Variants in TXLNB observed in about 807,000 individuals in gnomAD.
TXLNB encodes taxilin beta.
TXLNB carries 37 observed loss-of-function variants against 57.4 expected under a neutral mutation model. That is an observed-to-expected ratio of 0.64 (90% CI 0.50 to 0.85). The LOEUF (loss-of-function observed/expected upper bound fraction) is 0.85, where lower values mean the gene tolerates loss of function less well. Ranked by LOEUF, TXLNB falls within the 40% of genes least tolerant of loss-of-function variation. TXLNB has a pLI of 0.00. For synonymous variants in TXLNB, 302 were observed against 309.6 expected, an observed-to-expected ratio of 0.98 and a Z score of 0.26; for missense variants, 848 against 825.6, an observed-to-expected ratio of 1.03 and a Z score of -0.33.
the TXLNB span, chr6:139,177,085 A>G: frequency 4.7e-6 from 4 of 859,384 alleles, no homozygotes; most frequent in Non-Finnish European, 8.2e-6. The surrounding 1 kb of genome is among the most constrained non-coding windows in gnomAD (Gnocchi z 4.9). Flanking sequence ...TTCCTCCTTC[A>G]AAGTTCTCGA....
At chr6:139,316,819 C>A in the TXLNB span, among the ~76,000 whole-genome samples, 1 of 152,058 alleles carries the variant, frequency 6.6e-6, no homozygotes, top group East Asian at 1.9e-4. Context: ...TCCTTTCAAG[C>A]CATTTTTCAA....
At chr6:139,236,641 ATAAAT>A (rs1775839638), downstream of TXLNB, among the ~76,000 whole-genome samples, 4 of 152,196 alleles carry the variant, frequency 2.6e-5, no homozygotes, top group South Asian at 8.3e-4. Flanking sequence ...TCTTTCCTTT[ATAAAT>A]TACTCAGTCT....
chr6:139,179,817 G>A, the TXLNB span: 2 of 152,184 alleles, frequency 1.3e-5, no homozygotes, highest in African/African-American at 4.8e-5. Flanking sequence ...TTACCCAAGA[G>A]ATCCAATTTG....
the TXLNB span, among the ~76,000 whole-genome samples, chr6:139,226,948 G>GC: frequency 2.0e-5 from 3 of 152,140 alleles, no homozygotes; most frequent in Admixed American, 2.0e-4. Context: ...CATTCCTGGA[G>GC]CCCAGGAGGT....
the TXLNB span, among the ~76,000 whole-genome samples, chr6:139,301,598 G>A: frequency 6.6e-6 from 1 of 152,146 alleles, no homozygotes. Context: ...GGTTAGAAGA[G>A]CACACCTGAG....
chr6:139,272,164 G>T (rs1212382555), intron 3 of TXLNB, among the ~76,000 whole-genome samples: 1 of 152,056 alleles, frequency 6.6e-6, no homozygotes, highest in African/African-American at 2.4e-5. Context: ...TAAATTAGCC[G>T]GGCGTGGTGG....
At chr6:139,232,524 G>A in the TXLNB span, among the ~76,000 whole-genome samples, 1 of 152,180 alleles carries the variant, frequency 6.6e-6, no homozygotes, top group Non-Finnish European at 1.5e-5. Flanking sequence ...CTCTGACTTT[G>A]AAATTTTCTT....
intron 8 of TXLNB, among the ~76,000 whole-genome samples, chr6:139,246,733 G>A (rs1406939235): frequency 2.0e-5 from 3 of 151,814 alleles, no homozygotes; most frequent in Non-Finnish European, 2.9e-5. Flanking sequence ...TGACCAACAC[G>A]GTGAAACCCC....
At chr6:139,291,767 A>G (rs1408713203) in intron 1 of TXLNB, among the ~76,000 whole-genome samples, 154 bp downstream of exon 1, 1 of 152,212 alleles carries the variant, frequency 6.6e-6, no homozygotes, top group African/African-American at 2.4e-5. Context: ...TATCACAGAC[A>G]CATCCCTCCC....
At chr6:139,278,178 A>G (rs376601263) in intron 2 of TXLNB, among the ~76,000 whole-genome samples, 1 of 152,216 alleles carries the variant, frequency 6.6e-6, no homozygotes, top group Admixed American at 6.5e-5. Context: ...AAGGCCCAGA[A>G]AAGTCCAAAG....
chr6:139,270,722 T>C, intron 3 of TXLNB, 96 bp from the exon 4 acceptor site: 1 of 1,114,996 alleles, frequency 9.0e-7, no homozygotes, highest in Non-Finnish European at 1.3e-6. Context: ...CTGTGGTTGT[T>C]TGGAAACATT....
At chr6:139,268,798 A>G (rs1390715757) in intron 4 of TXLNB, among the ~76,000 whole-genome samples, 1 of 152,182 alleles carries the variant, frequency 6.6e-6, no homozygotes, top group Non-Finnish European at 1.5e-5. Flanking sequence ...CTGAGGGCAT[A>G]TGGGCACACT....
downstream of TXLNB, chr6:139,239,015 G>A (rs944658516): frequency 6.6e-6 from 1 of 152,152 alleles, no homozygotes; most frequent in Non-Finnish European, 1.5e-5. This position sits in a 1 kb window ranked among gnomAD's most constrained non-coding sequence, Gnocchi z 4.7. Flanking sequence ...TCTCAAAAAA[G>A]GGGCTATTTA....
intron 6 of TXLNB, among the ~76,000 whole-genome samples, chr6:139,260,089 G>A (rs185669766): frequency 1.1e-4 from 16 of 152,266 alleles, no homozygotes; most frequent in African/African-American, 3.4e-4. Flanking sequence ...GCCTGTTGTG[G>A]TAGTGGGCAC....
intron 7 of TXLNB, among the ~76,000 whole-genome samples, chr6:139,254,051 G>C (rs1227375300): frequency 6.6e-6 from 1 of 152,086 alleles, no homozygotes; most frequent in African/African-American, 2.4e-5. Context: ...ATGATCTTGA[G>C]TTTGTAACTC....
chr6:139,317,939 T>C, the TXLNB span, among the ~76,000 whole-genome samples: 2 of 151,938 alleles, frequency 1.3e-5, no homozygotes, highest in Non-Finnish European at 2.9e-5. Context: ...AGAAAAGATC[T>C]CATCAGATGA....
Position 139,256,615 on chromosome 6 carries a change from G to A in TXLNB, c.1003-977C>T, listed in dbSNP as rs373439226. On this transcript the variant is annotated intron_variant, in intron 6 of 9. Coordinates refer to ENST00000358430, the MANE Select transcript of TXLNB (RefSeq NM_153235.4). ...AGTGCTGGGATCATAGGCGTGAGCC[G>A]CCGTGCCCGGCCAACAACTGTTTCT... is the stretch of plus-strand genomic sequence containing the variant. Among the ~76,000 whole-genome samples the A allele has an allele frequency of 1.4e-4, 21 of 152,332 alleles. No individual in the cohort carries two copies. The East Asian group carries it at 2.3e-3, about 17-fold the overall frequency.
chr6:139,302,978 C>A, the TXLNB span, among the ~76,000 whole-genome samples: 1 of 152,048 alleles, frequency 6.6e-6, no homozygotes, highest in Non-Finnish European at 1.5e-5. Flanking sequence ...CATAGTATTT[C>A]TATTAAACTG....
chr6:139,175,192 C>A, the TXLNB span, among the ~76,000 whole-genome samples: 1 of 152,142 alleles, frequency 6.6e-6, no homozygotes, highest in Non-Finnish European at 1.5e-5. Context: ...CCTATAGAAT[C>A]ACAGGAGACA....
Sources: gnomAD v4.1 joint callset for allele counts (sites outside exome capture counted in the v4.1 genomes callset) on GRCh38, gnomAD v4.1.1 for gene constraint, Gnocchi (gnomAD v3.1) non-coding constraint, MANE v1.5 for transcripts, NCBI Gene and HGNC (gene_info 2026-07-23, HGNC 2026-07-21) for gene names.